The following SNTG1 variants were observed in gnomAD, a reference collection of about 807,000 sequenced individuals.
The protein encoded by SNTG1 is syntrophin gamma 1, also known as gamma-1-syntrophin.
In SNTG1, 39 loss-of-function variants were observed where a neutral mutation model predicts 74.7. The ratio of observed to expected loss-of-function variants is 0.52; its 90% CI spans 0.40 to 0.68. The LOEUF (loss-of-function observed/expected upper bound fraction) is 0.68. SNTG1 is among the 30% of genes least tolerant of loss of function. SNTG1 has a pLI of 0.00. For synonymous variants in SNTG1, 254 were observed against 217.1 expected (o/e 1.17, Z -1.49); for missense variants, 685 against 609.5 (o/e 1.12, Z -1.30).
At chr8:49,948,979 G>A (rs559476347) in intron 1 of SNTG1, among the ~76,000 whole-genome samples, 1 of 152,260 alleles carries the variant, frequency 6.6e-6, no homozygotes, top group Non-Finnish European at 1.5e-5. Flanking sequence ...CTGAGATCAC[G>A]CCTTCCACAG....
chr8:50,443,504 A>G (rs977816709), intron 5 of SNTG1, among the ~76,000 whole-genome samples: 10 of 152,146 alleles, frequency 6.6e-5, no homozygotes, highest in Non-Finnish European at 1.5e-4. Context: ...CTCATTTCTA[A>G]ATAATTGCTA....
intron 13 of SNTG1, among the ~76,000 whole-genome samples, chr8:50,642,791 TA>T (rs1288607123): frequency 6.6e-6 from 1 of 152,254 alleles, no homozygotes; most frequent in African/African-American, 2.4e-5. Flanking sequence ...TTAGGATTCT[TA>T]CTATTTAACA....
chr8:50,756,898 A>G (rs2095581929), intron 18 of SNTG1, among the ~76,000 whole-genome samples: 1 of 151,804 alleles, frequency 6.6e-6, no homozygotes, highest in African/African-American at 2.4e-5. Context: ...CCGTCCATGA[A>G]TATAAAATAT....
At chr8:50,377,440 T>C (rs1407976962) in intron 2 of SNTG1, among the ~76,000 whole-genome samples, 2 of 152,204 alleles carry the variant, frequency 1.3e-5, no homozygotes, top group African/African-American at 4.8e-5. Flanking sequence ...TTGGAAAACG[T>C]TTTATGTTTC....
At chr8:49,961,781 G>A (rs551486607) in intron 1 of SNTG1, among the ~76,000 whole-genome samples, 20 of 152,218 alleles carry the variant, frequency 1.3e-4, no homozygotes, top group Middle Eastern at 3.4e-3. Context: ...CATTTACCTC[G>A]TAAATTTGGA....
chr8:50,407,950 A>G (rs367822260), intron 4 of SNTG1, among the ~76,000 whole-genome samples: 9 of 152,182 alleles, frequency 5.9e-5, no homozygotes, highest in African/African-American at 2.2e-4. Flanking sequence ...CTGGTCTACT[A>G]GAATGCAAAG....
intron 15 of SNTG1, among the ~76,000 whole-genome samples, chr8:50,679,586 A>G (rs2095323140): frequency 6.6e-6 from 1 of 152,158 alleles, no homozygotes; most frequent in Admixed American, 6.6e-5. Context: ...TCATGCTAAC[A>G]ATGGCAATTC....
intron 2 of SNTG1, among the ~76,000 whole-genome samples, chr8:50,338,264 T>A (rs1208731313): frequency 6.6e-6 from 1 of 152,054 alleles, no homozygotes; most frequent in Non-Finnish European, 1.5e-5. Context: ...CATCTACAGC[T>A]GCAGCAAGCA....
intron 15 of SNTG1, among the ~76,000 whole-genome samples, chr8:50,691,247 C>T (rs188826805): frequency 6.6e-6 from 1 of 152,168 alleles, no homozygotes; most frequent in East Asian, 1.9e-4. Context: ...AGCCCATTTA[C>T]ATTTAAGGTT....
At chr8:50,089,811 A>G (rs1394819990) in intron 1 of SNTG1, among the ~76,000 whole-genome samples, 1 of 152,146 alleles carries the variant, frequency 6.6e-6, no homozygotes, top group Non-Finnish European at 1.5e-5. Flanking sequence ...TGTCGGTGGG[A>G]CTGTAAACTA....
At chr8:50,697,348 A>T (rs1296242039) in intron 15 of SNTG1, among the ~76,000 whole-genome samples, 1 of 152,104 alleles carries the variant, frequency 6.6e-6, no homozygotes, top group African/African-American at 2.4e-5. Flanking sequence ...AGATTTTTTG[A>T]GATACATGAT....
intron 4 of SNTG1, among the ~76,000 whole-genome samples, chr8:50,436,897 G>T (rs548698312): frequency 6.6e-6 from 1 of 152,016 alleles, no homozygotes; most frequent in Admixed American, 6.6e-5. Flanking sequence ...TAGGTTTTGC[G>T]ATATAAATTC....
intron 2 of SNTG1, among the ~76,000 whole-genome samples, chr8:50,312,686 C>T (rs1284171944): frequency 1.3e-5 from 2 of 149,828 alleles, no homozygotes; most frequent in East Asian, 2.0e-4. Context: ...ACTAAACTTC[C>T]ACATGGCAAA....
At chr8:50,051,666 G>A (rs144137844) in intron 1 of SNTG1, among the ~76,000 whole-genome samples, 47 of 152,104 alleles carry the variant, frequency 3.1e-4, no homozygotes, top group African/African-American at 1.0e-3. Context: ...AGCATTCCTC[G>A]GCTTATAGCT....
At chr8:50,105,536 T>C (rs2080336999) in intron 1 of SNTG1, among the ~76,000 whole-genome samples, 1 of 152,084 alleles carries the variant, frequency 6.6e-6, no homozygotes, top group Non-Finnish European at 1.5e-5. Context: ...GGGCTCTTTT[T>C]TGTCTTCAAA....
intron 13 of SNTG1, among the ~76,000 whole-genome samples, chr8:50,640,728 T>G (rs2095067348): frequency 6.6e-6 from 1 of 152,188 alleles, no homozygotes; most frequent in African/African-American, 2.4e-5. Flanking sequence ...TCTGCTCTTC[T>G]TTGATGACCT....
intron 2 of SNTG1, among the ~76,000 whole-genome samples, chr8:50,370,731 A>C (rs1309131597): frequency 1.3e-5 from 2 of 151,988 alleles, no homozygotes; most frequent in East Asian, 3.9e-4. Context: ...AACTAGACCC[A>C]AGTCCCAGAA....
At chr8:50,209,177 G>T (rs1007262578) in intron 2 of SNTG1, among the ~76,000 whole-genome samples, 15 of 152,144 alleles carry the variant, frequency 9.9e-5, no homozygotes, top group Non-Finnish European at 1.8e-4. Context: ...CTGGGGGAGG[G>T]GTGCCCGCCA....
intron 2 of SNTG1, among the ~76,000 whole-genome samples, chr8:50,196,324 A>T (rs1344199566): frequency 3.9e-5 from 6 of 152,192 alleles, no homozygotes; most frequent in Admixed American, 1.3e-4. Context: ...CAGAATTAAC[A>T]AGTACATGAG....
Sources: allele counts gnomAD v4.1 joint callset (sites outside exome capture counted in the v4.1 genomes callset), GRCh38; gene constraint gnomAD v4.1.1; transcripts MANE v1.5; gene names NCBI Gene and HGNC (gene_info 2026-07-23, HGNC 2026-07-21).